Variants in ADAM12 observed in about 807,000 individuals in gnomAD.
The protein encoded by ADAM12 is disintegrin and metalloproteinase domain-containing protein 12.
ADAM12 carries 70 observed loss-of-function variants against 106.4 expected under a neutral mutation model. The observed-to-expected ratio is 0.66, with a 90% CI of 0.54 to 0.80. ADAM12 has a LOEUF of 0.80. Ranked by LOEUF, ADAM12 falls within the 30% of genes least tolerant of loss-of-function variation. The pLI is 0.00. For synonymous variants in ADAM12, 420 were observed against 433.5 expected (o/e 0.97, Z 0.39); for missense variants, 1,010 against 1,171.9 (o/e 0.86, Z 2.02).
chr10:126,332,447 A>G (rs1199191393), intron 1 of ADAM12, among the ~76,000 whole-genome samples: 3 of 152,262 alleles, frequency 2.0e-5, no homozygotes, highest in Non-Finnish European at 4.4e-5. Context: ...TCAGAGAGCC[A>G]GAAGTGCTGT....
chr10:126,063,800 C>T (rs979960014), intron 14 of ADAM12, among the ~76,000 whole-genome samples: 2 of 152,182 alleles, frequency 1.3e-5, no homozygotes, highest in Non-Finnish European at 2.9e-5. Context: ...GGTGACGGGG[C>T]CTTGGAGTCC....
At chr10:126,217,100 C>T (rs571983444) in intron 3 of ADAM12, among the ~76,000 whole-genome samples, 1 of 152,248 alleles carries the variant, frequency 6.6e-6, no homozygotes, top group South Asian at 2.1e-4. Context: ...ATTAGTAAAA[C>T]CATGAGAGTG....
In ADAM12 at chr10:126,081,241, C is replaced by T. The variant is rs530726730; in HGVS notation, c.1146-9587G>A. ...GACGGCAGGAAAGGAGTGGAAGTGA[C>T]CGAGGAAGAAGGATGGAACAGCCAG... On this transcript the variant is annotated intron_variant, in intron 11 of 22. Coordinates refer to ENST00000448723, the MANE Select transcript of ADAM12 (RefSeq NM_001288973.2). Among the ~76,000 whole-genome samples, 61 of 152,134 alleles carry T rather than the reference C, an allele frequency of 4.0e-4. 2 individuals are homozygous for T. The highest frequency in any genetic ancestry group is 6.8e-3 in the Middle Eastern group (2 of 294).
chr10:126,279,035 T>C (rs778834663), intron 2 of ADAM12, 47 bp from the exon 3 acceptor site: 2 of 1,455,080 alleles, frequency 1.4e-6, no homozygotes, highest in Non-Finnish European at 1.9e-6. Flanking sequence ...TTGGCTTTGA[T>C]TTGCAAATAG....
intron 6 of ADAM12, 112 bp downstream of exon 6, chr10:126,117,926 C>T: frequency 1.6e-6 from 2 of 1,256,298 alleles, no homozygotes; most frequent in Non-Finnish European, 2.3e-6. Flanking sequence ...ACTTCCATCC[C>T]CCAGATGCCG....
At chr10:126,079,874 C>T (rs1056842808) in intron 11 of ADAM12, among the ~76,000 whole-genome samples, 4 of 152,244 alleles carry the variant, frequency 2.6e-5, no homozygotes, top group South Asian at 2.1e-4. Context: ...TCTGTCAGTG[C>T]GATCGTTGAT....
chr10:126,277,740 G>T (rs1959337887), intron 3 of ADAM12, among the ~76,000 whole-genome samples: 1 of 152,038 alleles, frequency 6.6e-6, no homozygotes, highest in Non-Finnish European at 1.5e-5. Flanking sequence ...CTCATTTCTT[G>T]TTTCCAAAGC....
intron 3 of ADAM12, among the ~76,000 whole-genome samples, chr10:126,165,877 A>G: frequency 6.6e-6 from 1 of 152,320 alleles, no homozygotes; most frequent in East Asian, 1.9e-4. Flanking sequence ...TGGGATCCTA[A>G]CTATTTAAAC....
At chr10:126,271,931 A>G (rs1416415717) in intron 3 of ADAM12, among the ~76,000 whole-genome samples, 1 of 152,192 alleles carries the variant, frequency 6.6e-6, no homozygotes, top group Non-Finnish European at 1.5e-5. Context: ...CATCAGTACA[A>G]AGACCTTCTA....
At chr10:126,219,116 A>G (rs1001918642) in intron 3 of ADAM12, among the ~76,000 whole-genome samples, 2 of 152,228 alleles carry the variant, frequency 1.3e-5, no homozygotes, top group Non-Finnish European at 2.9e-5. Flanking sequence ...TTTGCTCTGT[A>G]GTTGTACAAC....
intron 1 of ADAM12, among the ~76,000 whole-genome samples, chr10:126,365,988 C>G (rs1157511056): frequency 6.6e-6 from 1 of 152,148 alleles, no homozygotes. Flanking sequence ...AGGTACAGAA[C>G]AATTCTGAAA....
At chr10:126,274,779 T>A (rs971548782) in intron 3 of ADAM12, among the ~76,000 whole-genome samples, 1 of 152,232 alleles carries the variant, frequency 6.6e-6, no homozygotes, top group African/African-American at 2.4e-5. Flanking sequence ...TGGCTTGATA[T>A]CCTCTGGATG....
At chr10:126,143,753 G>A (rs559586248) in intron 4 of ADAM12, among the ~76,000 whole-genome samples, 3 of 152,050 alleles carry the variant, frequency 2.0e-5, no homozygotes, top group South Asian at 4.1e-4. Context: ...GTATATGGGT[G>A]TGTATGTGTC....
Position 126,155,264 on chromosome 10 carries a change from T to G in ADAM12, c.302A>C (p.Gln101Pro), listed in dbSNP as rs754241099. Residue 101 changes from glutamine to proline, a missense_variant, in exon 4 of 23, where the codon CAA (glutamine) becomes CCA (proline). Physicochemically the swap from Gln to Pro is moderately conservative, Grantham distance 76 (BLOSUM62 -1). Around this residue, in one of 3 missense-constraint regions of ADAM12, gnomAD observed 391 missense variants for 442.9 expected, o/e 0.88. Transcript: ENST00000448723. ...AGCGAGGGAGACATCAGTACCGTCTTGCAGATAGTGGGTTTCCGTGAAACT... is the reference window on the plus strand; with the variant it reads ...AGCGAGGGAGACATCAGTACCGTCTGGCAGATAGTGGGTTTCCGTGAAACT... ...ASSFTETHYL[Q>P]DGTDVSLARN... 1.4e-5 allele frequency: 23 copies of G among 1,614,046 alleles called. No individual in the cohort carries two copies. The highest frequency in any genetic ancestry group is 2.5e-6 in the Non-Finnish European group (3 of 1,180,022).
At chr10:126,084,723 A>G (rs1590386973) in intron 11 of ADAM12, among the ~76,000 whole-genome samples, 1 of 152,208 alleles carries the variant, frequency 6.6e-6, no homozygotes, top group African/African-American at 2.4e-5. Context: ...CACCAGGGCA[A>G]TGTGGAACTC....
At chr10:126,349,377 T>G (rs2133883902) in intron 1 of ADAM12, among the ~76,000 whole-genome samples, 1 of 152,228 alleles carries the variant, frequency 6.6e-6, no homozygotes, top group East Asian at 1.9e-4. Context: ...TGAATTTATA[T>G]CTTTCTAACA....
At chr10:126,105,232 T>C (rs1955742373) in intron 8 of ADAM12, among the ~76,000 whole-genome samples, 1 of 152,250 alleles carries the variant, frequency 6.6e-6, no homozygotes, top group African/African-American at 2.4e-5. Flanking sequence ...TGCTCATTTT[T>C]GGTTTTGCAA....
Position 126,049,360 on chromosome 10 carries a change from G to C in ADAM12, c.1810C>G (p.Leu604Val). ...CACAGAATCCGGCCTCCTTGCTGCAGGGGGATGTTTGTTTCTATGGAAACG... is the reference window on the plus strand; with the variant it reads ...CACAGAATCCGGCCTCCTTGCTGCACGGGGATGTTTGTTTCTATGGAAACG... ...NAVSIETNIPLQQGGRILCRG... is the reference protein window; with the variant it reads ...NAVSIETNIPVQQGGRILCRG... Residue 604 changes from leucine to valine, a missense_variant, in exon 16 of 23, where the codon CTG becomes GTG. Leu to Val is a conservative substitution (Grantham distance 32). Transcript: ENST00000448723. The surrounding 1 kb of genome is among the most constrained non-coding windows in gnomAD (Gnocchi z 4.4). The C allele has an allele frequency of 6.2e-7, 1 of 1,614,222 alleles. No homozygotes were observed. Among genetic ancestry groups the C allele is most frequent in the Non-Finnish European group, 8.5e-7 (1 of 1,180,046 alleles).
At chr10:126,052,317 G>A (rs541244327) in intron 14 of ADAM12, among the ~76,000 whole-genome samples, 5 of 152,338 alleles carry the variant, frequency 3.3e-5, no homozygotes, top group African/African-American at 1.2e-4. Flanking sequence ...ATAAGGCTAG[G>A]ACTCGGAAAT....
Sources: allele counts gnomAD v4.1 joint callset (sites outside exome capture counted in the v4.1 genomes callset), GRCh38; gene constraint gnomAD v4.1.1; regional missense constraint gnomAD v4.1.1; non-coding constraint Gnocchi (gnomAD v3.1); transcripts MANE v1.5; gene names NCBI Gene and HGNC (gene_info 2026-07-23, HGNC 2026-07-21).